Variants in FBXL7 observed in about 807,000 individuals in gnomAD.
FBXL7 encodes the protein F-box/LRR-repeat protein 7.
Under a neutral mutation model 38.3 loss-of-function variants are expected in FBXL7, and 12 were observed. The ratio of observed to expected loss-of-function variants is 0.31; its 90% CI spans 0.20 to 0.51. The LOEUF is 0.51. Among genes scored for constraint, FBXL7 ranks in the 20% least tolerant of loss-of-function variants. FBXL7 has a pLI of 0.98. For missense variants in FBXL7, 567 were observed against 676.4 expected (o/e 0.84, Z 1.79); for synonymous variants, 297 against 300.9 (o/e 0.99, Z 0.13).
At chr5:15,809,478 A>G (rs193302338) in intron 2 of FBXL7, among the ~76,000 whole-genome samples, 28 of 152,306 alleles carry the variant, frequency 1.8e-4, no homozygotes, top group Admixed American at 1.8e-3. Flanking sequence ...GTTAGGTGGA[A>G]TAAATTTGAT....
intron 1 of FBXL7, among the ~76,000 whole-genome samples, chr5:15,531,606 A>G (rs1442084416): frequency 1.3e-5 from 2 of 152,202 alleles, no homozygotes; most frequent in Non-Finnish European, 2.9e-5. Context: ...TGAAGACACA[A>G]CTGTTCAGCT....
chr5:15,620,581 A>G (rs1740605080), intron 2 of FBXL7, among the ~76,000 whole-genome samples: 1 of 151,978 alleles, frequency 6.6e-6, no homozygotes, highest in African/African-American at 2.4e-5. Flanking sequence ...GCTTCTTGCA[A>G]CTGTGGGGAG....
intron 2 of FBXL7, among the ~76,000 whole-genome samples, chr5:15,621,320 T>C (rs1740633667): frequency 6.6e-6 from 1 of 152,180 alleles, no homozygotes; most frequent in East Asian, 1.9e-4. Context: ...AGGCTGGAAA[T>C]TTTCCATTTT....
chr5:15,541,181 A>T (rs1193504879), intron 1 of FBXL7, among the ~76,000 whole-genome samples: 1 of 151,592 alleles, frequency 6.6e-6, no homozygotes, highest in Non-Finnish European at 1.5e-5. Flanking sequence ...ATCCTCCAGC[A>T]TGAATCTCTT....
chr5:15,836,095 C>T lies in FBXL7; in HGVS notation c.128-91795C>T, dbSNP rs769544379. 2.2e-4 allele frequency among the ~76,000 whole-genome samples: 34 copies of T among 152,256 alleles called. No homozygotes were observed. In the Middle Eastern group the frequency reaches 0.01, roughly 46 times the overall value. On this transcript the variant is annotated intron_variant, in intron 2 of 3. Coordinates refer to ENST00000504595, the MANE Select transcript of FBXL7 (RefSeq NM_012304.5). ...AATTCCTGGGCACTGTCCTAGATGT[C>T]GAGGATGTCAGGGTAAACAAAATTC...
At chr5:15,779,445 T>G (rs1448817705) in intron 2 of FBXL7, among the ~76,000 whole-genome samples, 1 of 152,118 alleles carries the variant, frequency 6.6e-6, no homozygotes, top group African/African-American at 2.4e-5. Context: ...ATATCACATG[T>G]ACCCCAAAAT....
intron 1 of FBXL7, among the ~76,000 whole-genome samples, chr5:15,606,346 A>G (rs1443774984): frequency 6.6e-6 from 1 of 152,126 alleles, no homozygotes; most frequent in East Asian, 1.9e-4. Flanking sequence ...GTATATTCTC[A>G]TGCTTGCATA....
At chr5:15,526,849 G>A (rs1737263769) in intron 1 of FBXL7, among the ~76,000 whole-genome samples, 1 of 152,142 alleles carries the variant, frequency 6.6e-6, no homozygotes, top group Non-Finnish European at 1.5e-5. Context: ...GTGCCTGTGA[G>A]GATCATCTAT....
At chr5:15,865,879 A>G (rs1739688094) in intron 2 of FBXL7, among the ~76,000 whole-genome samples, 1 of 152,206 alleles carries the variant, frequency 6.6e-6, no homozygotes. Context: ...AGTGCTTCAA[A>G]GGTCAGAGAA....
At chr5:15,887,027 A>G (rs1016708073) in intron 2 of FBXL7, among the ~76,000 whole-genome samples, 1 of 152,216 alleles carries the variant, frequency 6.6e-6, no homozygotes, top group African/African-American at 2.4e-5. Context: ...CCAATTCAGG[A>G]GACAGACAAA....
intron 2 of FBXL7, among the ~76,000 whole-genome samples, chr5:15,715,422 C>T (rs1485495363): frequency 2.2e-5 from 3 of 138,582 alleles, no homozygotes; most frequent in South Asian, 2.3e-4. Flanking sequence ...ACCTGGGAGT[C>T]GGAGTTTGCA....
At chr5:15,544,825 A>G (rs1383117602) in intron 1 of FBXL7, among the ~76,000 whole-genome samples, 3 of 152,192 alleles carry the variant, frequency 2.0e-5, no homozygotes, top group Non-Finnish European at 4.4e-5. Context: ...GGCTTGCTCC[A>G]TGAATTATGT....
intron 2 of FBXL7, among the ~76,000 whole-genome samples, chr5:15,642,892 C>T (rs1241687869): frequency 6.6e-6 from 1 of 152,194 alleles, no homozygotes; most frequent in Non-Finnish European, 1.5e-5. Context: ...ACTGTTGGAT[C>T]TCTCTTTCAT....
At chr5:15,722,919 C>A (rs1744239627) in intron 2 of FBXL7, among the ~76,000 whole-genome samples, 2 of 35,554 alleles carry the variant, frequency 5.6e-5, no homozygotes, top group Non-Finnish European at 7.3e-5. Context: ...AAGACTCCGT[C>A]TCAAAAAAAA....
intron 2 of FBXL7, among the ~76,000 whole-genome samples, chr5:15,702,593 TATC>T (rs1310826766): frequency 6.6e-6 from 1 of 152,206 alleles, no homozygotes; most frequent in Non-Finnish European, 1.5e-5. Context: ...GGTTCATTGT[TATC>T]ATCATCTCCT....
chr5:15,569,665 T>G (rs1738703320), intron 1 of FBXL7, among the ~76,000 whole-genome samples: 3 of 152,198 alleles, frequency 2.0e-5, no homozygotes, highest in Admixed American at 2.0e-4. Flanking sequence ...CCCTGTCTTG[T>G]GCCAGTTTTC....
At chr5:15,883,175 A>G (rs922392053) in intron 2 of FBXL7, among the ~76,000 whole-genome samples, 1 of 152,214 alleles carries the variant, frequency 6.6e-6, no homozygotes, top group Non-Finnish European at 1.5e-5. Flanking sequence ...TATAAGGATT[A>G]TGTTTAACCT....
intron 2 of FBXL7, among the ~76,000 whole-genome samples, chr5:15,925,192 T>A (rs1267493660): frequency 6.6e-6 from 1 of 152,184 alleles, no homozygotes; most frequent in Non-Finnish European, 1.5e-5. Flanking sequence ...TGCTAATATG[T>A]TAAAAATAAT....
intron 2 of FBXL7, among the ~76,000 whole-genome samples, chr5:15,643,746 T>C (rs1333987804): frequency 6.6e-6 from 1 of 152,204 alleles, no homozygotes; most frequent in Admixed American, 6.5e-5. Flanking sequence ...GTTTCTGCCG[T>C]GCAGCTAATG....
Sources: allele counts gnomAD v4.1 joint callset (sites outside exome capture counted in the v4.1 genomes callset), GRCh38; gene constraint gnomAD v4.1.1; transcripts MANE v1.5; gene names NCBI Gene and HGNC (gene_info 2026-07-23, HGNC 2026-07-21).